Variants in DCANP1 observed in about 807,000 individuals in gnomAD.
The protein encoded by DCANP1 is dendritic cell nuclear protein 1.
For synonymous variants in DCANP1, 139 were observed against 124.2 expected (o/e 1.12, Z -0.79); for missense variants, 328 against 293.7 (o/e 1.12, Z -0.85).
chr5:135,446,278 C>T lies in DCANP1; in HGVS notation c.*96G>A. 1.4e-6 allele frequency: 2 copies of T among 1,455,928 alleles called. No homozygotes were observed. Among genetic ancestry groups the T allele is most frequent in the Non-Finnish European group, 1.9e-6 (2 of 1,080,938 alleles). 90.2% of individuals were successfully genotyped at this position (1,455,928 alleles called of 1,614,324 possible). The stretch of plus-strand genomic sequence containing the variant: ...ATTCTAACCCAGGCAGCAGTCTGAC[C>T]AGAGGGCCCTAGCTGGGAGCAGCGT... On this transcript the variant is annotated 3_prime_UTR_variant, in exon 1 of 1. Coordinates refer to ENST00000503143, the MANE Select transcript of DCANP1 (RefSeq NM_130848.3).
rs924889154 is a variant in DCANP1 at position 135,446,700 on chromosome 5, T to C, written c.409A>G (p.Arg137Gly). ...GARKHLVCSF[R>G]LYPFTVHTVS... The stretch of plus-strand genomic sequence containing the variant: ...GTGTGAACTGTGAACGGGTAGAGTC[T>C]GAAACTACAAACCAGATGTTTCCGG... The change falls in exon 1 of 1, where the codon AGA (arginine) becomes GGA (glycine). Residue 137 changes from arginine to glycine, a missense_variant. Arg to Gly is a moderately radical substitution (Grantham distance 125). Coordinates refer to ENST00000503143, the MANE Select transcript of DCANP1 (RefSeq NM_130848.3). 7 of 1,613,836 alleles carry C rather than the reference T, an allele frequency of 4.3e-6. No individual in the cohort carries two copies. The highest frequency in any genetic ancestry group is 5.9e-6 in the Non-Finnish European group (7 of 1,179,740).
In DCANP1 at chr5:135,445,507, G is replaced by A. The variant is rs79805596; in HGVS notation, c.*867C>T. 0.035 allele frequency: 5,381 copies of A among 152,494 alleles called. 104 individuals carry two copies. The highest frequency in any genetic ancestry group is 0.063 in the East Asian group (323 of 5,166). 9.4% of individuals were successfully genotyped at this position (152,494 alleles called of 1,614,324 possible). On this transcript the variant is annotated 3_prime_UTR_variant, in exon 1 of 1. Coordinates refer to ENST00000503143, the MANE Select transcript of DCANP1 (RefSeq NM_130848.3). ...CGCACTGCCCATGCCGGGCCTGAGG[G>A]GCCTGGCTCAGACTTTAGTATCCAA... is the stretch of plus-strand genomic sequence containing the variant.
At position 135,446,982 on chromosome 5, in the gene DCANP1, G is replaced by C; in HGVS notation, c.127C>G (p.Pro43Ala). 6 of 1,613,168 alleles carry C rather than the reference G, an allele frequency of 3.7e-6. No individual in the cohort carries two copies. The highest frequency in any genetic ancestry group is 1.7e-4 in the Middle Eastern group (1 of 6,060). ...TTCCCAAAGTTCTCTGGTGGAGCTGGGGAGTGGCACCCTGGGAACTCTGGG... is the reference window on the plus strand; with the variant it reads ...TTCCCAAAGTTCTCTGGTGGAGCTGCGGAGTGGCACCCTGGGAACTCTGGG... ...ETPEFPGCHSPAPPENFGNEL... is the reference protein window; with the variant it reads ...ETPEFPGCHSAAPPENFGNEL... Residue 43 changes from proline (P) to alanine (A), a missense_variant, in exon 1 of 1, where the codon CCA (proline) becomes GCA (alanine). By Grantham distance (27) the Pro-to-Ala change is conservative. Coordinates refer to ENST00000503143, the MANE Select transcript of DCANP1 (RefSeq NM_130848.3).
rs1769289783 is a variant in DCANP1 at position 135,447,322 on chromosome 5, A to G, written c.-214T>C. 6.4e-6 allele frequency: 4 copies of G among 627,084 alleles called. No homozygotes were observed. The highest frequency in any genetic ancestry group is 8.5e-6 in the Non-Finnish European group (3 of 352,738). The allele number at this position is 627,084 out of a possible 1,614,324, so 38.8% of individuals were successfully genotyped here. A position where few individuals can be genotyped will look rare whatever the true frequency, so the allele number is the denominator to read the frequency against. On this transcript the variant is annotated 5_prime_UTR_variant, in exon 1 of 1. Coordinates refer to ENST00000503143, the MANE Select transcript of DCANP1 (RefSeq NM_130848.3). ...ACTAAATCCCTAGTTGGGGAATCAC[A>G]GAGCACAGGTAAGCCCTTGGGTTCT...
At position 135,447,155 on chromosome 5, in the gene DCANP1, T is replaced by C. The variant is rs772345222; in HGVS notation, c.-47A>G. The C allele has an allele frequency of 3.1e-6, 5 of 1,612,988 alleles. No individual in the cohort carries two copies. Among genetic ancestry groups the C allele is most frequent in the Non-Finnish European group, 4.2e-6 (5 of 1,179,336 alleles). On this transcript the variant is annotated 5_prime_UTR_variant, in exon 1 of 1. An upstream start codon of the reference 5' UTR is lost. Transcript: ENST00000503143. ...AGTGACAGATCACTGCTGCTTTTCA[T>C]CAGACCAAAATACATGTGGCTTCTT...
Position 135,445,818 on chromosome 5 carries a change from G to A in DCANP1, c.*556C>T, listed in dbSNP as rs537557379. The A allele has an allele frequency of 6.5e-6, 1 of 153,068 alleles. No homozygotes were observed. The highest frequency in any genetic ancestry group is 1.9e-4 in the East Asian group (1 of 5,184). 9.5% of individuals were successfully genotyped at this position (153,068 alleles called of 1,614,324 possible). ...GGAGCATTTGCAAGTCTCCCTCGAG[G>A]GGAGCCCGTGTCTCTCACGGACAGC... On this transcript the variant is annotated 3_prime_UTR_variant, in exon 1 of 1. Coordinates refer to ENST00000503143, the MANE Select transcript of DCANP1 (RefSeq NM_130848.3).
rs780767133 is a variant in DCANP1 at position 135,446,571 on chromosome 5, A to G, written c.538T>C (p.Ser180Pro). The G allele has an allele frequency of 1.9e-6, 3 of 1,613,836 alleles. No homozygotes were observed. Among genetic ancestry groups the G allele is most frequent in the Non-Finnish European group, 2.5e-6 (3 of 1,179,878 alleles). ...SFFLSRKSLKSSDPWHPPSLS... is the reference protein window; with the variant it reads ...SFFLSRKSLKPSDPWHPPSLS... Reference sequence around the variant, plus strand: ...GAAGGTGGGTGCCATGGATCTGATGATTTCAGTGATTTTCTACTCAAGAAA... The same window carrying G: ...GAAGGTGGGTGCCATGGATCTGATGGTTTCAGTGATTTTCTACTCAAGAAA... The change falls in exon 1 of 1, where the codon TCA becomes CCA. Residue 180 changes from serine to proline, a missense_variant. Physicochemically the swap from Ser to Pro is moderately conservative, Grantham distance 74 (BLOSUM62 -1). Transcript: ENST00000503143.
At chr5:135,446,965 GT>G in the DCANP1 span, 1 of 1,613,046 alleles carries the variant, frequency 6.2e-7, no homozygotes, top group East Asian at 2.2e-5. Flanking sequence ...CATTCCCAAA[GT>G]TCTCTGGTGG....
chr5:135,446,233 A>C lies in DCANP1; in HGVS notation c.*141T>G. On this transcript the variant is annotated 3_prime_UTR_variant, in exon 1 of 1. Coordinates refer to ENST00000503143, the MANE Select transcript of DCANP1 (RefSeq NM_130848.3). ...TTGTCCAGGATCACAGAACTATAGTAAGTGGGGGTGGGGACAAGAATTCTA... is the reference window on the plus strand; with the variant it reads ...TTGTCCAGGATCACAGAACTATAGTCAGTGGGGGTGGGGACAAGAATTCTA... 1.0e-6 allele frequency: 1 copy of C among 974,742 alleles called. No homozygotes were observed. The highest frequency in any genetic ancestry group is 1.5e-6 in the Non-Finnish European group (1 of 655,226). The allele number at this position is 974,742 out of a possible 1,614,324, so 60.4% of individuals were successfully genotyped here. A position where few individuals can be genotyped will look rare whatever the true frequency, so the allele number is the denominator to read the frequency against.
In DCANP1 at chr5:135,446,767, A is replaced by T. The variant is rs148251349; in HGVS notation, c.342T>A (p.His114Gln). The T allele has an allele frequency of 6.2e-7, 1 of 1,613,830 alleles. No individual in the cohort carries two copies. The highest frequency in any genetic ancestry group is 1.3e-5 in the African/African-American group (1 of 74,916). Residue 114 changes from histidine (H) to glutamine (Q), a missense_variant, in exon 1 of 1, where the codon CAT becomes CAA. Transcript: ENST00000503143. ...ARPSGTQDELHSSRRKTGQTR... is the reference protein window; with the variant it reads ...ARPSGTQDELQSSRRKTGQTR... The stretch of plus-strand genomic sequence containing the variant: ...TCTGGCCTGTCTTCCTTCTGCTGCT[A>T]TGCAGTTCATCCTGGGTCCCTGAGG...
Position 135,446,307 on chromosome 5 carries a change from T to C in DCANP1, c.*67A>G, listed in dbSNP as rs769835476. 1.0e-4 allele frequency: 157 copies of C among 1,523,578 alleles called. No homozygotes were observed. The highest frequency in any genetic ancestry group is 7.9e-4 in the South Asian group (60 of 75,790). 94.4% of individuals were successfully genotyped at this position (1,523,578 alleles called of 1,614,324 possible). A position where few individuals can be genotyped will look rare whatever the true frequency, so the allele number is the denominator to read the frequency against. On this transcript the variant is annotated 3_prime_UTR_variant, in exon 1 of 1. Coordinates refer to ENST00000503143, the MANE Select transcript of DCANP1 (RefSeq NM_130848.3). ...GGGCCCTAGCTGGGAGCAGCGTTCA[T>C]GTGCACTGTATGTTCGTGTTTAGTG...
rs149928130 is a variant in DCANP1 at position 135,446,385 on chromosome 5, C to T, written c.724G>A (p.Val242Met). 145 of 1,601,790 alleles carry T rather than the reference C, an allele frequency of 9.1e-5. No individual in the cohort carries two copies. Among genetic ancestry groups the T allele is most frequent in the African/African-American group, 2.7e-4 (20 of 74,830 alleles). Residue 242 changes from valine (V) to methionine (M), a missense_variant, in exon 1 of 1, where the codon GTG becomes ATG. Physicochemically the swap from Val to Met is conservative, Grantham distance 21. Transcript: ENST00000503143. ...ACACGCACACATGTTCACTCAGGCA[C>T]GTGGGCTGCCCTGCGGTGGGAGCTG... The part of the protein sequence containing the change: ...SLSSHRRAAH[V>M]PE
rs1769254672 is a variant in DCANP1, at chr5:135,446,137, T to C, written c.*237A>G. On this transcript the variant is annotated 3_prime_UTR_variant, in exon 1 of 1. Transcript: ENST00000503143. ...CTCAAACTGACCTTCACAATGACTCTAAGGAGGTAAGTACTGTGAACTTTC... is the reference window on the plus strand; with the variant it reads ...CTCAAACTGACCTTCACAATGACTCCAAGGAGGTAAGTACTGTGAACTTTC... 1 of 465,482 alleles carries C rather than the reference T, an allele frequency of 2.1e-6. No homozygotes were observed. The highest frequency in any genetic ancestry group is 3.8e-6 in the Non-Finnish European group (1 of 264,276). The allele number at this position is 465,482 out of a possible 1,614,324, so 28.8% of individuals were successfully genotyped here.
At position 135,446,138 on chromosome 5, in the gene DCANP1, A is replaced by C; in HGVS notation, c.*236T>G. On this transcript the variant is annotated 3_prime_UTR_variant, in exon 1 of 1. Transcript: ENST00000503143. ...TCAAACTGACCTTCACAATGACTCTAAGGAGGTAAGTACTGTGAACTTTCC... is the reference window on the plus strand; with the variant it reads ...TCAAACTGACCTTCACAATGACTCTCAGGAGGTAAGTACTGTGAACTTTCC... 2.2e-6 allele frequency: 1 copy of C among 458,930 alleles called. No homozygotes were observed. Among genetic ancestry groups the C allele is most frequent in the East Asian group, 4.0e-5 (1 of 25,002 alleles). The allele number at this position is 458,930 out of a possible 1,614,324, so 28.4% of individuals were successfully genotyped here. A position where few individuals can be genotyped will look rare whatever the true frequency, so the allele number is the denominator to read the frequency against.
In DCANP1 at chr5:135,446,320, T is replaced by C. The variant is rs1769259225; in HGVS notation, c.*54A>G. ...GAGCAGCGTTCATGTGCACTGTATGTTCGTGTTTAGTGTATGTCTGTGCAT... is the reference window on the plus strand; with the variant it reads ...GAGCAGCGTTCATGTGCACTGTATGCTCGTGTTTAGTGTATGTCTGTGCAT... On this transcript the variant is annotated 3_prime_UTR_variant, in exon 1 of 1. Coordinates refer to ENST00000503143, the MANE Select transcript of DCANP1 (RefSeq NM_130848.3). 5.9e-6 allele frequency: 9 copies of C among 1,537,468 alleles called. No homozygotes were observed. In the East Asian group the frequency reaches 2.0e-4, roughly 35 times the overall value.
In DCANP1 at chr5:135,446,763, T is replaced by G. The variant is rs1246518959; in HGVS notation, c.346A>C (p.Ser116Arg). The part of the protein sequence containing the change: ...PSGTQDELHS[S>R]RRKTGQTRRE... ...CTGGTCTGGCCTGTCTTCCTTCTGC[T>G]GCTATGCAGTTCATCCTGGGTCCCT... The change falls in exon 1 of 1, where the codon AGC (serine) becomes CGC (arginine). Residue 116 changes from serine (S) to arginine (R), a missense_variant. Coordinates refer to ENST00000503143, the MANE Select transcript of DCANP1 (RefSeq NM_130848.3). The G allele has an allele frequency of 1.1e-5, 18 of 1,613,886 alleles. No homozygotes were observed. Among genetic ancestry groups the G allele is most frequent in the African/African-American group, 2.7e-5 (2 of 74,924 alleles).
chr5:135,446,871 C>A lies in DCANP1; in HGVS notation c.238G>T (p.Val80Phe). ...AATTGAACTGCCCCCTCTCGCAGGA[C>A]CCCAGCTGGCAAGGTTTTGTTCCTC... ...PGRNKTLPAG[V>F]LREGAVQFLH... Residue 80 changes from valine (V) to phenylalanine (F), a missense_variant, in exon 1 of 1, where the codon GTC (valine) becomes TTC (phenylalanine). Transcript: ENST00000503143. The A allele has an allele frequency of 1.9e-6, 3 of 1,613,802 alleles. No individual in the cohort carries two copies. The highest frequency in any genetic ancestry group is 8.5e-7 in the Non-Finnish European group (1 of 1,179,782).
At position 135,444,548 on chromosome 5, in the gene DCANP1, C is replaced by T. The variant is rs750607216; in HGVS notation, c.*1826G>A. On this transcript the variant is annotated 3_prime_UTR_variant, in exon 1 of 1. Transcript: ENST00000503143. ...AAAACAGAGCAGAGCTGGAGAAGTT[C>T]GTACAGTAGATACAGTGGAAGACAG... 4 of 152,410 alleles carry T rather than the reference C, an allele frequency of 2.6e-5. No individual in the cohort carries two copies. Among genetic ancestry groups the T allele is most frequent in the African/African-American group, 9.6e-5 (4 of 41,472 alleles). 9.4% of individuals were successfully genotyped at this position (152,410 alleles called of 1,614,324 possible). A position where few individuals can be genotyped will look rare whatever the true frequency, so the allele number is the denominator to read the frequency against.
chr5:135,446,847 A>T lies in DCANP1; in HGVS notation c.262T>A (p.Phe88Ile). 6.2e-7 allele frequency: 1 copy of T among 1,613,880 alleles called. No homozygotes were observed. Among genetic ancestry groups the T allele is most frequent in the Non-Finnish European group, 8.5e-7 (1 of 1,179,826 alleles). The change falls in exon 1 of 1, where the codon TTC becomes ATC. Residue 88 changes from phenylalanine to isoleucine, a missense_variant. Physicochemically the swap from Phe to Ile is conservative, Grantham distance 21. Coordinates refer to ENST00000503143, the MANE Select transcript of DCANP1 (RefSeq NM_130848.3). Reference sequence around the variant, plus strand: ...GAGTTGCAGAGTCCCCTGTGGAGGAATTGAACTGCCCCCTCTCGCAGGACC... The same window carrying T: ...GAGTTGCAGAGTCCCCTGTGGAGGATTTGAACTGCCCCCTCTCGCAGGACC... The part of the protein sequence containing the change: ...AGVLREGAVQ[F>I]LHRGLCNSNL...
Sources: gnomAD v4.1 joint callset for allele counts on GRCh38, gnomAD v4.1.1 for gene constraint, MANE v1.5 for transcripts, NCBI Gene and HGNC (gene_info 2026-07-23, HGNC 2026-07-21) for gene names.